Variants in SPMAP2L observed in about 807,000 individuals in gnomAD.
SPMAP2L encodes the protein sperm microtubule associated protein 2 like, also known as sperm microtubule associated protein 2-like.
chr4:56,583,694 G>C, the SPMAP2L span, among the ~76,000 whole-genome samples: 7 of 152,166 alleles, frequency 4.6e-5, no homozygotes, highest in African/African-American at 1.4e-4. Context: ...CTACAGAGGA[G>C]ACTGGCCATT....
At chr4:56,531,145 C>T in the SPMAP2L span, 1 of 1,533,562 alleles carries the variant, frequency 6.5e-7, no homozygotes. Flanking sequence ...AGCCCCGCCA[C>T]GGCCTCAGCT....
chr4:56,578,044 A>C, the SPMAP2L span, among the ~76,000 whole-genome samples: 1,040 of 152,342 alleles, frequency 6.8e-3, 16 homozygotes, highest in African/African-American at 0.024. Flanking sequence ...TTAACTACAT[A>C]GGTAAATATA....
the SPMAP2L span, among the ~76,000 whole-genome samples, chr4:56,531,667 A>G: frequency 6.6e-6 from 1 of 152,220 alleles, no homozygotes; most frequent in Admixed American, 6.5e-5. Context: ...GTATTCAAAG[A>G]GTATGCATCT....
At chr4:56,543,895 A>AGTGT in the SPMAP2L span, among the ~76,000 whole-genome samples, 2,486 of 109,382 alleles carry the variant, frequency 0.023, 39 homozygotes, top group African/African-American at 0.031. Flanking sequence ...AGAGAGAGAG[A>AGTGT]GTGTGTGTGT....
At chr4:56,551,005 GC>G in the SPMAP2L span, among the ~76,000 whole-genome samples, 1 of 150,730 alleles carries the variant, frequency 6.6e-6, no homozygotes, top group Non-Finnish European at 1.5e-5. Flanking sequence ...AACCTTGGTA[GC>G]TGCTGACTAT....
At chr4:56,582,557 C>CA in the SPMAP2L span, among the ~76,000 whole-genome samples, 20 of 151,388 alleles carry the variant, frequency 1.3e-4, no homozygotes, top group East Asian at 1.9e-4. Context: ...AATAAATCAA[C>CA]AAAAAAAACA....
chr4:56,547,634 G>C, the SPMAP2L span, among the ~76,000 whole-genome samples: 1 of 152,280 alleles, frequency 6.6e-6, no homozygotes, highest in Admixed American at 6.5e-5. Context: ...ACCCAAGATT[G>C]TACAGTGGAG....
chr4:56,602,746 G>A, the SPMAP2L span, among the ~76,000 whole-genome samples: 1 of 152,140 alleles, frequency 6.6e-6, no homozygotes, highest in African/African-American at 2.4e-5. Context: ...ATGATCAAGT[G>A]CATTATCAAG....
At chr4:56,607,041 G>A in the SPMAP2L span, among the ~76,000 whole-genome samples, 5 of 152,042 alleles carry the variant, frequency 3.3e-5, no homozygotes, top group Admixed American at 2.6e-4. Context: ...GGAGAGGAAA[G>A]AATTCAAGAT....
At chr4:56,592,009 C>T in the SPMAP2L span, among the ~76,000 whole-genome samples, 7 of 152,186 alleles carry the variant, frequency 4.6e-5, no homozygotes, top group Admixed American at 6.5e-5. Flanking sequence ...TGGACCAATA[C>T]CGGTCCGTGG....
chr4:56,534,690 G>C, the SPMAP2L span, among the ~76,000 whole-genome samples: 13 of 152,334 alleles, frequency 8.5e-5, no homozygotes, highest in African/African-American at 3.1e-4. Flanking sequence ...ACTTTGGGAG[G>C]CTCAGGTGGG....
chr4:56,542,163 G>A, the SPMAP2L span, among the ~76,000 whole-genome samples: 9 of 152,214 alleles, frequency 5.9e-5, no homozygotes, highest in Admixed American at 2.0e-4. Context: ...TTTGCCTGGC[G>A]GCGGGGACAT....
the SPMAP2L span, among the ~76,000 whole-genome samples, chr4:56,542,744 T>TG: frequency 0.19 from 29,198 of 152,074 alleles, 3,178 homozygotes; most frequent in East Asian, 0.4. Flanking sequence ...GTAAGGCGCA[T>TG]CCTCTGGCTC....
At chr4:56,534,909 A>G in the SPMAP2L span, among the ~76,000 whole-genome samples, 5 of 152,218 alleles carry the variant, frequency 3.3e-5, no homozygotes, top group Admixed American at 3.3e-4. Flanking sequence ...AGCCTGCACA[A>G]CAAGAGTGAA....
chr4:56,558,668 C>T, the SPMAP2L span, among the ~76,000 whole-genome samples: 2 of 152,118 alleles, frequency 1.3e-5, no homozygotes, highest in African/African-American at 4.8e-5. Context: ...CCTGACCCTC[C>T]TAACCTCTCT....
At chr4:56,558,499 G>C in the SPMAP2L span, among the ~76,000 whole-genome samples, 2 of 152,270 alleles carry the variant, frequency 1.3e-5, no homozygotes, top group African/African-American at 4.8e-5. Context: ...TTTTTAAGCA[G>C]CTAATAATCT....
chr4:56,612,357 C>CT, the SPMAP2L span, among the ~76,000 whole-genome samples: 2 of 151,704 alleles, frequency 1.3e-5, no homozygotes, highest in African/African-American at 4.8e-5. Context: ...TTTTTTCTTT[C>CT]TTTTTTTTCT....
the SPMAP2L span, chr4:56,593,089 A>G: frequency 1.3e-6 from 2 of 1,580,778 alleles, no homozygotes; most frequent in African/African-American, 1.3e-5. Context: ...GCTCAGTGCC[A>G]CAGACGATTT....
the SPMAP2L span, among the ~76,000 whole-genome samples, chr4:56,534,646 G>T: frequency 6.6e-5 from 10 of 152,188 alleles, no homozygotes; most frequent in African/African-American, 2.4e-4. Context: ...CATAAGGTGG[G>T]CTGGGTGCAG....
Sources: allele counts gnomAD v4.1 joint callset (sites outside exome capture counted in the v4.1 genomes callset), GRCh38; gene constraint gnomAD v4.1.1; transcripts MANE v1.5; gene names NCBI Gene and HGNC (gene_info 2026-07-23, HGNC 2026-07-21).